The following FOXP2 variants were observed in gnomAD, a reference collection of about 807,000 sequenced individuals.
FOXP2 encodes forkhead box P2, also known as forkhead box protein P2.
Under a neutral mutation model 115.8 loss-of-function variants are expected in FOXP2, and 12 were observed. The observed-to-expected ratio is 0.10, with a 90% CI of 0.07 to 0.17. FOXP2 has a LOEUF of 0.17. Among genes scored for constraint, FOXP2 ranks in the 10% least tolerant of loss-of-function variants. FOXP2 has a pLI of 1.00. For synonymous variants in FOXP2, 328 were observed against 297.7 expected, an observed-to-expected ratio of 1.10 and a Z score of -1.05; for missense variants, 629 against 843.5, an observed-to-expected ratio of 0.75 and a Z score of 3.15.
chr7:114,356,532 G>A lies in FOXP2; in HGVS notation c.-11+68423G>A, dbSNP rs1791620950. Among the ~76,000 whole-genome samples, 3 of 152,190 alleles carry A rather than the reference G, an allele frequency of 2.0e-5. 1 individual carries two copies. Among genetic ancestry groups the A allele is most frequent in the South Asian group, 4.1e-4 (2 of 4,830 alleles). ...GAAGTAACACCTACTCACTTAGAGG[G>A]TAAGGAATGATTATGGGTTGCTATT... On this transcript the variant is annotated intron_variant, in intron 2 of 17. Transcript: ENST00000634411.
chr7:114,410,658 T>C (rs1392507721), upstream of FOXP2, among the ~76,000 whole-genome samples: 4 of 152,274 alleles, frequency 2.6e-5, no homozygotes, highest in East Asian at 7.7e-4. Context: ...TTGATCACTG[T>C]GTATAGATGA....
intron 1 of FOXP2, among the ~76,000 whole-genome samples, chr7:114,128,259 C>T (rs1791774820): frequency 6.6e-6 from 1 of 152,130 alleles, no homozygotes; most frequent in African/African-American, 2.4e-5. Context: ...TTCTGCAACT[C>T]TTAATGGATA....
At chr7:114,151,383 G>T in intron 1 of FOXP2, among the ~76,000 whole-genome samples, 1 of 151,904 alleles carries the variant, frequency 6.6e-6, no homozygotes, top group East Asian at 1.9e-4. Flanking sequence ...TATGATTTTC[G>T]TAAAAATAAA....
At chr7:114,451,559 T>C (rs1308814951) in intron 2 of FOXP2, among the ~76,000 whole-genome samples, 1 of 152,040 alleles carries the variant, frequency 6.6e-6, no homozygotes, top group Non-Finnish European at 1.5e-5. Flanking sequence ...CTCCGTCTCA[T>C]CCTTCCTTCA....
chr7:114,262,681 A>C (rs1795786976), intron 1 of FOXP2, among the ~76,000 whole-genome samples: 1 of 152,204 alleles, frequency 6.6e-6, no homozygotes, highest in Admixed American at 6.5e-5. Context: ...AAAGAATCAC[A>C]TTTGGCTAGA....
intron 1 of FOXP2, among the ~76,000 whole-genome samples, chr7:114,173,864 T>A (rs888274217): frequency 1.8e-4 from 28 of 152,032 alleles, no homozygotes; most frequent in Non-Finnish European, 3.5e-4. Context: ...GCTTATAGTC[T>A]ATCTAAAACT....
rs71157577 is a variant in FOXP2 at position 114,274,603 on chromosome 7, CTTTTTTTTTTTTTTTTTTT to C, written c.-101-13405_-101-13387del. On this transcript the variant is annotated intron_variant, in intron 1 of 17. Transcript: ENST00000634411. ...TGGATTGGTTTTTTCCCTCTCAAAG[CTTTTTTTTTTTTTTTTTTT>C]TTTTTTTTTTGAGGCAGGATCTTAC... Among the ~76,000 whole-genome samples the C allele has an allele frequency of 9.0e-3, 382 of 42,590 alleles. 4 individuals are homozygous for C. The highest frequency in any genetic ancestry group is 0.045 in the Middle Eastern group (1 of 22). The allele number at this position is 42,590 out of a possible 152,430, so 27.9% of individuals were successfully genotyped here.
intron 3 of FOXP2, among the ~76,000 whole-genome samples, chr7:114,611,937 G>A (rs1294546631): frequency 6.6e-6 from 1 of 151,986 alleles, no homozygotes; most frequent in African/African-American, 2.4e-5. Flanking sequence ...AGGAGGTGGA[G>A]AGTAAAAAAG....
intron 3 of FOXP2, among the ~76,000 whole-genome samples, chr7:114,582,065 A>G (rs1298320307): frequency 6.6e-6 from 1 of 152,174 alleles, no homozygotes; most frequent in African/African-American, 2.4e-5. Flanking sequence ...ATTGAGAAAG[A>G]TCTTGGTGCA....
chr7:114,251,711 A>C (rs1345956110), intron 1 of FOXP2, among the ~76,000 whole-genome samples: 1 of 152,122 alleles, frequency 6.6e-6, no homozygotes, highest in Admixed American at 6.5e-5. Context: ...GGGTTTTCTA[A>C]ATATACAATC....
chr7:114,102,790 C>G (rs1023326115), intron 1 of FOXP2, among the ~76,000 whole-genome samples: 1 of 151,170 alleles, frequency 6.6e-6, no homozygotes, highest in Non-Finnish European at 1.5e-5. Flanking sequence ...TCTCTAAAAT[C>G]CATGCCACAT....
In FOXP2 at chr7:114,350,178, G is replaced by A. The variant is rs114688870; in HGVS notation, c.-11+62069G>A. On this transcript the variant is annotated intron_variant, in intron 2 of 17. Coordinates refer to the FOXP2 transcript ENST00000634411. The stretch of plus-strand genomic sequence containing the variant: ...AAGTTCTGCGATATTTGTGCAGAAC[G>A]AGCAGGTTTGTTACACAGGTATACA... Among the ~76,000 whole-genome samples the A allele has an allele frequency of 7.0e-3, 1,062 of 152,142 alleles. 15 individuals are homozygous for A. Among genetic ancestry groups the A allele is most frequent in the African/African-American group, 0.022 (921 of 41,518 alleles).
intron 1 of FOXP2, among the ~76,000 whole-genome samples, chr7:114,187,377 C>A (rs1793635118): frequency 6.6e-6 from 1 of 152,146 alleles, no homozygotes; most frequent in Non-Finnish European, 1.5e-5. Context: ...CCATAAAGTC[C>A]TAGTACACAG....
intron 6 of FOXP2, among the ~76,000 whole-genome samples, chr7:114,638,176 C>G (rs1174248095): frequency 6.6e-6 from 1 of 151,992 alleles, no homozygotes; most frequent in Non-Finnish European, 1.5e-5. Context: ...TTGGTGACTC[C>G]TAAGTTTACA....
intron 1 of FOXP2, among the ~76,000 whole-genome samples, chr7:114,196,723 C>T (rs1033815645): frequency 3.9e-5 from 6 of 152,176 alleles, no homozygotes; most frequent in African/African-American, 1.2e-4. Context: ...TGTGGGTATG[C>T]GATCTGCAAT....
At chr7:114,176,246 T>TTC (rs200287921) in intron 1 of FOXP2, among the ~76,000 whole-genome samples, 78 of 147,596 alleles carry the variant, frequency 5.3e-4, no homozygotes, top group African/African-American at 1.6e-3. Flanking sequence ...CTTTCTTTCT[T>TTC]TCTCTCTCTC....
Position 114,624,451 on chromosome 7 carries a change from A to G in FOXP2, c.259-4089A>G, listed in dbSNP as rs116486852. On this transcript the variant is annotated intron_variant, in intron 3 of 16. Coordinates refer to ENST00000350908, the MANE Select transcript of FOXP2 (RefSeq NM_014491.4). ...CTATAGATTGTGACTGCTATTTCCA[A>G]TTCACATTTAGTGAAGAAAGAATTG... Among the ~76,000 whole-genome samples the G allele has an allele frequency of 6.2e-3, 944 of 151,964 alleles. 11 individuals carry two copies. The highest frequency in any genetic ancestry group is 0.022 in the African/African-American group (895 of 41,538).
chr7:114,346,102 A>G (rs1025586786), intron 2 of FOXP2, among the ~76,000 whole-genome samples: 2 of 151,824 alleles, frequency 1.3e-5, no homozygotes, highest in Admixed American at 6.6e-5. Context: ...CTATTATGCA[A>G]TTTTAAGCAA....
rs181206486 is a variant in FOXP2 at position 114,690,924 on chromosome 7, A to G, written c.*998A>G. The G allele has an allele frequency of 5.5e-4, 251 of 454,490 alleles. No homozygotes were observed. The highest frequency in any genetic ancestry group is 4.5e-3 in the African/African-American group (227 of 50,108). The allele number at this position is 454,490 out of a possible 1,614,324, so 28.2% of individuals were successfully genotyped here. ...CCTAAACAAAGAAACAAATATGACA[A>G]AAACCACAACTAAAAAATGTTAATT... On this transcript the variant is annotated 3_prime_UTR_variant, in exon 17 of 17. Coordinates refer to ENST00000350908, the MANE Select transcript of FOXP2 (RefSeq NM_014491.4).
Sources: allele counts gnomAD v4.1 joint callset (sites outside exome capture counted in the v4.1 genomes callset), GRCh38; gene constraint gnomAD v4.1.1; transcripts MANE v1.5; gene names NCBI Gene and HGNC (gene_info 2026-07-23, HGNC 2026-07-21).